INTS1: variants seen among roughly 807,000 people sequenced by gnomAD.
INTS1 encodes the protein integrator complex subunit 1.
INTS1 carries 137 observed loss-of-function variants against 241.6 expected under a neutral mutation model. That is an observed-to-expected ratio of 0.57 (90% CI 0.49 to 0.65). INTS1 has a LOEUF of 0.65. Ranked by LOEUF, INTS1 falls within the 30% of genes least tolerant of loss-of-function variation. The probability of loss-of-function intolerance (pLI) is 0.00; values close to 1 mark genes in which losing one functional copy is unlikely to be tolerated. For synonymous variants in INTS1, 1,692 were observed against 1,337.8 expected (o/e 1.26, Z -5.78); for missense variants, 3,073 against 3,032.2 (o/e 1.01, Z -0.32).
chr7:1,503,127 C>T lies in INTS1; in HGVS notation c.123G>A (p.Thr41=), dbSNP rs760701040. 5 of 1,595,498 alleles carry T rather than the reference C, an allele frequency of 3.1e-6. No homozygotes were observed. Among genetic ancestry groups the T allele is most frequent in the Non-Finnish European group, 4.3e-6 (5 of 1,167,860 alleles). ...GSKGQANESK[T]ASTLLKPAPS... ...GGGCTGGCTTCAGCAGGGTGGACGC[C>T]GTTTTCGATTCATTGGCCTGACCCT... Residue 41 remains threonine, a synonymous_variant, in exon 3 of 48, where the codon ACG becomes ACA. Transcript: ENST00000404767.
Position 1,503,993 on chromosome 7 carries a change from C to G in INTS1, c.-33G>C. On this transcript the variant is annotated 5_prime_UTR_variant, in exon 2 of 48. Coordinates refer to ENST00000404767, the MANE Select transcript of INTS1 (RefSeq NM_001080453.3). ...CGTCCCTCGCGGCTCCCGGCGGCTGCGGCGTCACCTGCGGAGGAGCCAGCG... is the reference window on the plus strand; with the variant it reads ...CGTCCCTCGCGGCTCCCGGCGGCTGGGGCGTCACCTGCGGAGGAGCCAGCG... The G allele has an allele frequency of 6.6e-7, 1 of 1,515,124 alleles. No homozygotes were observed. The highest frequency in any genetic ancestry group is 8.9e-7 in the Non-Finnish European group (1 of 1,122,272). The allele number at this position is 1,515,124 out of a possible 1,614,324, so 93.9% of individuals were successfully genotyped here.
rs913451659 is a variant in INTS1, at chr7:1,470,306, G to A, written c.*271C>T. The stretch of plus-strand genomic sequence containing the variant: ...GTTCAGGTCGTTTCATTCAAAACCA[G>A]CCCAGGCCATGCCCGGGGGGATCCG... On this transcript the variant is annotated 3_prime_UTR_variant, in exon 48 of 48. Transcript: ENST00000404767. 4 of 448,966 alleles carry A rather than the reference G, an allele frequency of 8.9e-6. No individual in the cohort carries two copies. Among genetic ancestry groups the A allele is most frequent in the Non-Finnish European group, 1.2e-5 (3 of 253,784 alleles). The allele number at this position is 448,966 out of a possible 1,614,324, so 27.8% of individuals were successfully genotyped here. A position where few individuals can be genotyped will look rare whatever the true frequency, so the allele number is the denominator to read the frequency against.
At chr7:1,492,584 TTC>T (rs1782612029) in intron 16 of INTS1, among the ~76,000 whole-genome samples, 1 of 152,056 alleles carries the variant, frequency 6.6e-6, no homozygotes, top group Non-Finnish European at 1.5e-5. Context: ...CGTACATGAA[TTC>T]TCTCTCGATA....
chr7:1,488,139 G>A (rs1179346854), intron 18 of INTS1, among the ~76,000 whole-genome samples, 182 bp from the exon 19 acceptor site: 1 of 152,180 alleles, frequency 6.6e-6, no homozygotes, highest in South Asian at 2.1e-4. Flanking sequence ...ACGAGAAGCC[G>A]CAGCGCTGCC....
intron 40 of INTS1, among the ~76,000 whole-genome samples, 161 bp downstream of exon 40, chr7:1,474,544 A>C (rs563384211): frequency 6.6e-6 from 1 of 152,204 alleles, no homozygotes; most frequent in South Asian, 2.1e-4. Context: ...CTCCCACCTG[A>C]GGCCCAGCTC....
intron 42 of INTS1, 52 bp downstream of exon 42, chr7:1,473,514 G>T: frequency 1.3e-6 from 2 of 1,549,344 alleles, no homozygotes; most frequent in Non-Finnish European, 1.7e-6. Context: ...TCCAGACCCC[G>T]CTGGACCCTC....
intron 43 of INTS1, 46 bp downstream of exon 43, chr7:1,473,026 G>T: frequency 7.5e-7 from 1 of 1,332,914 alleles, no homozygotes; most frequent in Non-Finnish European, 1.1e-6. Flanking sequence ...GGCCCTGTAG[G>T]ACTGTTCCGC....
intron 32 of INTS1, 78 bp from the exon 33 acceptor site, chr7:1,478,584 G>T: frequency 6.5e-7 from 1 of 1,540,648 alleles, no homozygotes; most frequent in Non-Finnish European, 8.8e-7. Context: ...AGGCCCCACG[G>T]TAGAAGGGCT....
At chr7:1,500,104 G>A (rs1426098002) in intron 4 of INTS1, 66 bp downstream of exon 4, 3 of 1,587,612 alleles carry the variant, frequency 1.9e-6, no homozygotes, top group African/African-American at 1.3e-5. Flanking sequence ...ACACTTAAGG[G>A]GGAGGTGAGG....
At chr7:1,499,760 G>T in intron 5 of INTS1, 124 bp downstream of exon 5, 1 of 1,462,744 alleles carries the variant, frequency 6.8e-7, no homozygotes, top group Non-Finnish European at 9.2e-7. Flanking sequence ...AGCAGGGACC[G>T]TGCCATCACC....
In INTS1 at chr7:1,476,558, C is replaced by G. The variant is rs1562488410; in HGVS notation, c.5151+12G>C. The G allele has an allele frequency of 1.2e-6, 2 of 1,612,406 alleles. No individual in the cohort carries two copies. On this transcript the variant is annotated intron_variant, in intron 37 of 47. Coordinates refer to ENST00000404767, the MANE Select transcript of INTS1 (RefSeq NM_001080453.3). ...CCCCCTCTCCCGGATGGGCCACCCT[C>G]CCAAGACCTGCCTGCGGGGTGCGCT...
intron 30 of INTS1, 101 bp from the exon 31 acceptor site, chr7:1,479,785 T>G (rs1159139319): frequency 2.4e-6 from 3 of 1,235,734 alleles, no homozygotes; most frequent in Non-Finnish European, 3.2e-6. Context: ...CAGAACCGCG[T>G]CCCATCGTGT....
At position 1,483,734 on chromosome 7, in the gene INTS1, C is replaced by A; in HGVS notation, c.3541+8G>T. ...AAGCTGCCCCTCCCGGGGCCTGTGG[C>A]GGCTCACCTCGAGGCGGGCCCAGCG... On this transcript the variant is annotated splice_region_variant and intron_variant, in intron 26 of 47. Transcript: ENST00000404767. 1 of 1,606,476 alleles carries A rather than the reference C, an allele frequency of 6.2e-7. No individual in the cohort carries two copies. The highest frequency in any genetic ancestry group is 2.2e-5 in the East Asian group (1 of 44,848).
chr7:1,478,969 G>A (rs1218515482), intron 31 of INTS1, 84 bp from the exon 32 acceptor site: 3 of 1,453,542 alleles, frequency 2.1e-6, no homozygotes, highest in Non-Finnish European at 2.8e-6. Flanking sequence ...GGGCCCGTGA[G>A]GCTGCTGAGA....
Position 1,482,716 on chromosome 7 carries a change from A to G in INTS1, c.3542-9T>C, listed in dbSNP as rs1315902269. On this transcript the variant is annotated splice_polypyrimidine_tract_variant and intron_variant, in intron 26 of 47. Coordinates refer to ENST00000404767, the MANE Select transcript of INTS1 (RefSeq NM_001080453.3). ...GAACTCGCTGTCGTCGGCTTCAGGA[A>G]GGACAACGGGTGAGCAGCCTTCAGA... 1 of 1,612,178 alleles carries G rather than the reference A, an allele frequency of 6.2e-7. No individual in the cohort carries two copies. Among genetic ancestry groups the G allele is most frequent in the Non-Finnish European group, 8.5e-7 (1 of 1,179,562 alleles).
chr7:1,472,967 A>G (rs917772692), intron 43 of INTS1, 105 bp downstream of exon 43: 22 of 693,658 alleles, frequency 3.2e-5, no homozygotes, highest in East Asian at 2.8e-5. Flanking sequence ...CACAGCCCCC[A>G]TCGGGACGCC....
rs1462699782 is a variant in INTS1 at position 1,489,658 on chromosome 7, G to A, written c.2190C>T (p.Ile730=). The A allele has an allele frequency of 1.3e-6, 2 of 1,576,098 alleles. No homozygotes were observed. The highest frequency in any genetic ancestry group is 1.7e-6 in the Non-Finnish European group (2 of 1,159,408). Residue 730 remains isoleucine, a synonymous_variant, in exon 17 of 48, where the codon ATC becomes ATT. Transcript: ENST00000404767. ...GCCAGGCCTTCCAGTAGAGGGTAGA[G>A]ATGGCGAGGTTCGGAGGCTGGTACC... ...PPGYQPPNLA[I]STLYWKAWPL...
intron 1 of INTS1, 25 bp downstream of exon 1, chr7:1,504,298 A>G: frequency 1.8e-6 from 1 of 545,000 alleles, no homozygotes; most frequent in South Asian, 1.6e-5. Flanking sequence ...GCAATGAGGA[A>G]GCGCCCAGGC....
rs1313555444 is a variant in INTS1, at chr7:1,478,788, G to A, written c.4427C>T (p.Pro1476Leu). The change falls in exon 32 of 48, where the codon CCC becomes CTC. Residue 1476 changes from proline to leucine, a missense_variant. By Grantham distance (98) the Pro-to-Leu change is moderately conservative. Transcript: ENST00000404767. Reference sequence around the variant, plus strand: ...AAGCATCCTGAGCTGTGCCCGCAGGGGCCCGCCCTCCACGCCAGGGCTGTC... The same window carrying A: ...AAGCATCCTGAGCTGTGCCCGCAGGAGCCCGCCCTCCACGCCAGGGCTGTC... ...WLDSPGVEGGPLRAQLRMLAS... is the reference protein window; with the variant it reads ...WLDSPGVEGGLLRAQLRMLAS... 6.2e-7 allele frequency: 1 copy of A among 1,605,070 alleles called. No individual in the cohort carries two copies. Among genetic ancestry groups the A allele is most frequent in the Non-Finnish European group, 8.5e-7 (1 of 1,176,794 alleles).
Sources: allele counts gnomAD v4.1 joint callset (sites outside exome capture counted in the v4.1 genomes callset), GRCh38; gene constraint gnomAD v4.1.1; transcripts MANE v1.5; gene names NCBI Gene and HGNC (gene_info 2026-07-23, HGNC 2026-07-21).